Variants in OTOF observed in about 807,000 individuals in gnomAD.
OTOF encodes otoferlin.
Under a neutral mutation model 236.8 loss-of-function variants are expected in OTOF, and 218 were observed. That is an observed-to-expected ratio of 0.92 (90% CI 0.82 to 1.03). The LOEUF (loss-of-function observed/expected upper bound fraction) is 1.03. OTOF is among the 50% of genes least tolerant of loss of function. The probability of loss-of-function intolerance (pLI) is 0.00; values close to 1 mark genes in which losing one functional copy is unlikely to be tolerated. For missense variants in OTOF, 2,590 were observed against 2,694.4 expected, an observed-to-expected ratio of 0.96 and a Z score of 0.86; for synonymous variants, 1,041 against 1,072.5, an observed-to-expected ratio of 0.97 and a Z score of 0.57.
intron 5 of OTOF, among the ~76,000 whole-genome samples, chr2:26,515,402 T>TTGTGTGTGTGTG (rs34418795): frequency 6.6e-6 from 1 of 151,578 alleles, no homozygotes; most frequent in African/African-American, 2.4e-5. Flanking sequence ...TTTCTGAAGC[T>TTGTGTGTGTGTG]TGTGTGTGTG....
chr2:26,506,963 C>T (rs1173947955), intron 5 of OTOF, among the ~76,000 whole-genome samples: 2 of 152,334 alleles, frequency 1.3e-5, no homozygotes, highest in African/African-American at 4.8e-5. Flanking sequence ...GCACTCCAGC[C>T]TGGGCGACAG....
At chr2:26,550,072 C>T (rs1378064118) in intron 1 of OTOF, among the ~76,000 whole-genome samples, 1 of 151,478 alleles carries the variant, frequency 6.6e-6, no homozygotes, top group African/African-American at 2.4e-5. Flanking sequence ...ATTGTGGAAA[C>T]TGCAGTCCTG....
In OTOF at chr2:26,473,036, G is replaced by T; in HGVS notation, c.3733+96C>A. 7.3e-7 allele frequency: 1 copy of T among 1,365,600 alleles called. No homozygotes were observed. The highest frequency in any genetic ancestry group is 1.0e-6 in the Non-Finnish European group (1 of 988,066). 84.6% of individuals were successfully genotyped at this position (1,365,600 alleles called of 1,614,324 possible). ...ATGCCCACCCCCTCGGCCCCAAAGA[G>T]CAAACTCTGGTCGCGGCTTGGACTG... On this transcript the variant is annotated intron_variant, in intron 29 of 46. Transcript: ENST00000272371. The surrounding 1 kb of genome is among the most constrained non-coding windows in gnomAD (Gnocchi z 7.2).
At chr2:26,513,188 C>T (rs981604886) in intron 5 of OTOF, among the ~76,000 whole-genome samples, 13 of 152,080 alleles carry the variant, frequency 8.5e-5, no homozygotes, top group African/African-American at 2.4e-4. Flanking sequence ...TGAGGAGGAA[C>T]GGGGTAACTT....
Position 26,480,245 on chromosome 2 carries a change from G to A in OTOF, c.1870C>T (p.Arg624Trp), listed in dbSNP as rs372517439. The A allele has an allele frequency of 1.6e-5, 25 of 1,612,796 alleles. No individual in the cohort carries two copies. The highest frequency in any genetic ancestry group is 2.0e-5 in the Non-Finnish European group (24 of 1,179,534). Residue 624 changes from arginine to tryptophan, a missense_variant, in exon 16 of 47, where the codon CGG becomes TGG. By Grantham distance (101) the Arg-to-Trp change is moderately radical. This residue lies in a region of OTOF where 1,379 missense variants were observed against 1,341.6 expected (regional missense o/e 1.03). Transcript: ENST00000272371. The part of the protein sequence containing the change: ...GAFLEASMID[R>W]RNGDKPITFE... ...GTGATGGGCTTGTCTCCGTTTCTCCGGTCGATCATTGAGGCCTCCAGGAAG... is the reference window on the plus strand; with the variant it reads ...GTGATGGGCTTGTCTCCGTTTCTCCAGTCGATCATTGAGGCCTCCAGGAAG...
intron 3 of OTOF, among the ~76,000 whole-genome samples, chr2:26,523,300 G>A (rs1666725064): frequency 6.6e-6 from 1 of 152,212 alleles, no homozygotes; most frequent in Non-Finnish European, 1.5e-5. Flanking sequence ...TCCAAACGGG[G>A]CCAAGCAGAC....
chr2:26,555,944 G>A (rs1402672981), intron 1 of OTOF, among the ~76,000 whole-genome samples: 3 of 152,204 alleles, frequency 2.0e-5, no homozygotes, highest in South Asian at 4.1e-4. Context: ...TACAGATGAG[G>A]AAACTGAGGG....
rs1277554586 is a variant in OTOF, at chr2:26,470,764, G to A, written c.3895-43C>T. On this transcript the variant is annotated intron_variant, in intron 31 of 46. Transcript: ENST00000272371. This position sits in a 1 kb window ranked among gnomAD's most constrained non-coding sequence, Gnocchi z 4.3. ...CCAGAGTCCTACATGGACTCCTCCT[G>A]CCTGGACAATCCCGAGAGCCTCCAC... 6.2e-7 allele frequency: 1 copy of A among 1,604,756 alleles called. No homozygotes were observed. Among genetic ancestry groups the A allele is most frequent in the African/African-American group, 1.3e-5 (1 of 74,830 alleles).
intron 10 of OTOF, 47 bp from the exon 11 acceptor site, chr2:26,489,342 G>T (rs1351475166): frequency 7.0e-6 from 10 of 1,429,476 alleles, no homozygotes; most frequent in Non-Finnish European, 9.7e-6. Context: ...GCAAGGGTGA[G>T]GCTTTCCATG....
intron 5 of OTOF, among the ~76,000 whole-genome samples, chr2:26,510,089 C>T (rs891374030): frequency 4.6e-5 from 7 of 152,168 alleles, no homozygotes; most frequent in African/African-American, 1.7e-4. Flanking sequence ...TTGTGACCAG[C>T]CCCTCCCACC....
chr2:26,558,326 A>C (rs542428508), intron 1 of OTOF, among the ~76,000 whole-genome samples, 167 bp downstream of exon 1: 2 of 152,192 alleles, frequency 1.3e-5, no homozygotes, highest in East Asian at 3.9e-4. Flanking sequence ...CACAATGGCC[A>C]GTCAGTCCCA....
rs1401695309 is a variant in OTOF, at chr2:26,465,743, G to T, written c.4728C>A (p.Thr1576=). The change falls in exon 38 of 47, where the codon ACC becomes ACA. Residue 1576 remains threonine (T), a synonymous_variant. Coordinates refer to ENST00000272371, the MANE Select transcript of OTOF (RefSeq NM_194248.3). ...LVGTDDLIGE[T]KIDLENRFYS... ...AGAAGCGGTTCTCCAGGTCGATCTT[G>T]GTTTCCCCAATGAGGTCATCAGTGC... 2 of 1,614,240 alleles carry T rather than the reference G, an allele frequency of 1.2e-6. No individual in the cohort carries two copies. The highest frequency in any genetic ancestry group is 1.7e-6 in the Non-Finnish European group (2 of 1,180,034).
intron 15 of OTOF, among the ~76,000 whole-genome samples, 179 bp downstream of exon 15, chr2:26,480,607 G>T (rs1038161199): frequency 2.6e-5 from 4 of 152,222 alleles, no homozygotes; most frequent in Non-Finnish European, 5.9e-5. Flanking sequence ...GTGGACGAGG[G>T]CAGAGTCCTG....
In OTOF at chr2:26,519,077, T is replaced by C. The variant is rs1666609430; in HGVS notation, c.260A>G (p.Lys87Arg). 6.2e-7 allele frequency: 1 copy of C among 1,607,830 alleles called. No homozygotes were observed. The highest frequency in any genetic ancestry group is 1.1e-5 in the South Asian group (1 of 90,002). ...LIGTFRMVLQ[K>R]VVEESHVEVT... Reference sequence around the variant, plus strand: ...CTCCACATGGCTCTCCTCTACCACCTTCTGCAGCACCATGCGGAAGGTCCC... The same window carrying C: ...CTCCACATGGCTCTCCTCTACCACCCTCTGCAGCACCATGCGGAAGGTCCC... Residue 87 changes from lysine (K) to arginine (R), a missense_variant, in exon 4 of 47, where the codon AAG becomes AGG. Lys to Arg is a conservative substitution (Grantham distance 26). Coordinates refer to ENST00000272371, the MANE Select transcript of OTOF (RefSeq NM_194248.3).
chr2:26,502,137 G>C (rs1045327608), intron 7 of OTOF, among the ~76,000 whole-genome samples, 163 bp downstream of exon 7: 1 of 152,186 alleles, frequency 6.6e-6, no homozygotes. Context: ...CAGGGAGAGA[G>C]GTGAGAAAAA....
chr2:26,492,644 G>T (rs1665877801), intron 9 of OTOF, among the ~76,000 whole-genome samples: 1 of 152,176 alleles, frequency 6.6e-6, no homozygotes, highest in Admixed American at 6.5e-5. Flanking sequence ...CTTCCTTTGG[G>T]TGAGTGTTAC....
Position 26,462,022 on chromosome 2 carries a change from GC to G in OTOF, c.5291+60del, listed in dbSNP as rs1269433841. 2.5e-6 allele frequency: 4 copies of G among 1,611,698 alleles called. No individual in the cohort carries two copies. Among genetic ancestry groups the G allele is most frequent in the Admixed American group, 1.7e-5 (1 of 59,988 alleles). The stretch of plus-strand genomic sequence containing the variant: ...CCACCTTCCCTCTGCCTCCTCTCCT[GC>G]CCCCCGGGAAGCAAGCCCCACCCAG... On this transcript the variant is annotated intron_variant, in intron 42 of 46. Coordinates refer to ENST00000272371, the MANE Select transcript of OTOF (RefSeq NM_194248.3). This position sits in a 1 kb window ranked among gnomAD's most constrained non-coding sequence, Gnocchi z 4.7.
intron 2 of OTOF, among the ~76,000 whole-genome samples, chr2:26,535,018 T>G (rs1281796038): frequency 2.6e-5 from 4 of 152,214 alleles, no homozygotes; most frequent in Non-Finnish European, 4.4e-5. Flanking sequence ...CCAGGCTACC[T>G]TTGGGACTGG....
chr2:26,527,851 T>C lies in OTOF; in HGVS notation c.208A>G (p.Ser70Gly). Residue 70 changes from serine (S) to glycine (G), a missense_variant, in exon 3 of 47, where the codon AGC becomes GGC. Coordinates refer to ENST00000272371, the MANE Select transcript of OTOF (RefSeq NM_194248.3). ...EMLEIQVFNY[S>G]KVFSNKLIGT... ...ACTTACTTGTTGCTGAAGACTTTGC[T>C]GTAGTTGAAAACCTGAATCTCCAGC... The C allele has an allele frequency of 6.2e-7, 1 of 1,613,702 alleles. No homozygotes were observed. Among genetic ancestry groups the C allele is most frequent in the Non-Finnish European group, 8.5e-7 (1 of 1,179,614 alleles).
Sources: gnomAD v4.1 joint callset for allele counts (sites outside exome capture counted in the v4.1 genomes callset) on GRCh38, gnomAD v4.1.1 for gene constraint, gnomAD v4.1.1 regional missense constraint, Gnocchi (gnomAD v3.1) non-coding constraint, MANE v1.5 for transcripts, NCBI Gene and HGNC (gene_info 2026-07-23, HGNC 2026-07-21) for gene names.